Variants in DOCK3 observed in about 807,000 individuals in gnomAD.
DOCK3 encodes dedicator of cytokinesis protein 3.
Under a neutral mutation model 265.6 loss-of-function variants are expected in DOCK3, and 60 were observed. The ratio of observed to expected loss-of-function variants is 0.23; its 90% CI spans 0.18 to 0.28. The LOEUF (loss-of-function observed/expected upper bound fraction) is 0.28, where lower values mean the gene tolerates loss of function less well. DOCK3 is among the 10% of genes least tolerant of loss of function. The pLI is 1.00. For synonymous variants in DOCK3, 881 were observed against 938.0 expected (o/e 0.94, Z 1.11); for missense variants, 1,981 against 2,594.3 (o/e 0.76, Z 5.14).
intron 4 of DOCK3, among the ~76,000 whole-genome samples, chr3:50,925,202 A>G (rs1410927239): frequency 6.6e-6 from 1 of 152,210 alleles, no homozygotes; most frequent in African/African-American, 2.4e-5. Flanking sequence ...TTTTGGCTAT[A>G]TGAGTGATGA....
chr3:50,874,529 A>AC (rs2047605999), intron 3 of DOCK3, among the ~76,000 whole-genome samples: 1 of 123,632 alleles, frequency 8.1e-6, no homozygotes, highest in Non-Finnish European at 1.9e-5. Context: ...AAAAAAAAAA[A>AC]CAAAAAAAGT....
At position 51,120,538 on chromosome 3, in the gene DOCK3, G is replaced by T. The variant is rs138469567; in HGVS notation, c.747-26011G>T. Reference sequence around the variant, plus strand: ...CTCTGCAGAGCTGGCAGGCAGAAACGTTTATGTCTGCTGAAGCTGCGCCCA... The same window carrying T: ...CTCTGCAGAGCTGGCAGGCAGAAACTTTTATGTCTGCTGAAGCTGCGCCCA... On this transcript the variant is annotated intron_variant, in intron 9 of 52. Coordinates refer to ENST00000266037, the MANE Select transcript of DOCK3 (RefSeq NM_004947.5). Among the ~76,000 whole-genome samples the T allele has an allele frequency of 8.1e-3, 1,232 of 152,294 alleles. 9 individuals carry two copies. Among genetic ancestry groups the T allele is most frequent in the African/African-American group, 0.013 (543 of 41,568 alleles).
At chr3:51,198,749 G>T (rs1281778978) in intron 12 of DOCK3, among the ~76,000 whole-genome samples, 1 of 152,228 alleles carries the variant, frequency 6.6e-6, no homozygotes, top group Non-Finnish European at 1.5e-5. Flanking sequence ...TAGGCTGTGT[G>T]TAGTGAGCCA....
At chr3:50,822,179 TC>T (rs2106935571) in intron 2 of DOCK3, among the ~76,000 whole-genome samples, 1 of 152,310 alleles carries the variant, frequency 6.6e-6, no homozygotes, top group Non-Finnish European at 1.5e-5. Flanking sequence ...CTGATTTCTT[TC>T]AGCCGTATTT....
rs1446737320 is a variant in DOCK3 at position 50,778,732 on chromosome 3, C to T, written c.95C>T (p.Thr32Ile). 2 of 1,585,580 alleles carry T rather than the reference C, an allele frequency of 1.3e-6. No individual in the cohort carries two copies. Among genetic ancestry groups the T allele is most frequent in the Non-Finnish European group, 1.7e-6 (2 of 1,164,694 alleles). ...GGGTTGGTCTTAGAAATAGGAGAAA[C>T]AGTCCAGATTCTTGAAAAATGTGAA... ...PQGLVLEIGE[T>I]VQILEKCEGW... The change falls in exon 2 of 53, where the codon ACA becomes ATA. Residue 32 changes from threonine (T) to isoleucine (I), a missense_variant. Coordinates refer to ENST00000266037, the MANE Select transcript of DOCK3 (RefSeq NM_004947.5).
intron 5 of DOCK3, among the ~76,000 whole-genome samples, chr3:50,977,176 T>G (rs182743943): frequency 0.091 from 13,532 of 149,034 alleles, 757 homozygotes; most frequent in Non-Finnish European, 0.12. Context: ...GTGAATTTGA[T>G]CCTGTAATGA....
At chr3:51,075,950 T>A (rs2082042059) in intron 7 of DOCK3, among the ~76,000 whole-genome samples, 1 of 152,234 alleles carries the variant, frequency 6.6e-6, no homozygotes, top group Non-Finnish European at 1.5e-5. Context: ...AAGGGTACAA[T>A]ATTTTAAAGT....
intron 4 of DOCK3, among the ~76,000 whole-genome samples, chr3:50,908,362 A>ATGT (rs905931683): frequency 1.3e-5 from 2 of 151,988 alleles, no homozygotes; most frequent in Admixed American, 1.3e-4. Flanking sequence ...GTGGACATTT[A>ATGT]GTGTTATAAA....
intron 25 of DOCK3, among the ~76,000 whole-genome samples, chr3:51,276,031 T>C (rs1365895279): frequency 6.6e-6 from 1 of 152,164 alleles, no homozygotes; most frequent in African/African-American, 2.4e-5. Context: ...TGCTAGAGAA[T>C]AGAATTTCAC....
chr3:51,339,634 A>C (rs2085102555), intron 37 of DOCK3, among the ~76,000 whole-genome samples: 1 of 152,174 alleles, frequency 6.6e-6, no homozygotes, highest in South Asian at 2.1e-4. Context: ...TTCTAACTAG[A>C]ACAAATTTTA....
At chr3:50,856,327 C>T (rs916239275) in intron 3 of DOCK3, among the ~76,000 whole-genome samples, 3 of 152,156 alleles carry the variant, frequency 2.0e-5, no homozygotes, top group African/African-American at 7.2e-5. Context: ...TCCTTTTCTC[C>T]TCAACCTTGC....
At chr3:51,249,648 T>G (rs1394402344) in intron 22 of DOCK3, among the ~76,000 whole-genome samples, 4 of 47,160 alleles carry the variant, frequency 8.5e-5, no homozygotes, top group Non-Finnish European at 1.6e-4. Flanking sequence ...GGGAGGGAGG[T>G]GGGGGGGGGT....
chr3:51,150,253 G>C (rs565309813), intron 10 of DOCK3, among the ~76,000 whole-genome samples: 28 of 152,132 alleles, frequency 1.8e-4, no homozygotes, highest in African/African-American at 6.5e-4. Flanking sequence ...CTTGCTAGCG[G>C]TTTATCAATT....
intron 32 of DOCK3, among the ~76,000 whole-genome samples, chr3:51,325,216 A>G (rs935291683): frequency 6.6e-6 from 1 of 152,030 alleles, no homozygotes; most frequent in African/African-American, 2.4e-5. Context: ...TTAAATTTAC[A>G]AGAAAAAAAA....
chr3:51,124,042 A>G (rs1040622930), intron 9 of DOCK3, among the ~76,000 whole-genome samples: 8 of 152,140 alleles, frequency 5.3e-5, no homozygotes, highest in Non-Finnish European at 1.2e-4. Context: ...TTAGATGTCA[A>G]GTTTCCTCTT....
chr3:51,099,634 A>G (rs994446324), intron 9 of DOCK3, among the ~76,000 whole-genome samples: 4 of 152,232 alleles, frequency 2.6e-5, no homozygotes, highest in Admixed American at 2.6e-4. Context: ...TCATTTATTT[A>G]TGCACCAAAT....
chr3:51,049,525 CTG>C, intron 5 of DOCK3, among the ~76,000 whole-genome samples: 2 of 152,118 alleles, frequency 1.3e-5, no homozygotes, highest in South Asian at 4.2e-4. Flanking sequence ...ACTAAATAAA[CTG>C]TTCTGTACCA....
At chr3:50,974,221 A>G (rs2077354946) in intron 5 of DOCK3, among the ~76,000 whole-genome samples, 2 of 151,964 alleles carry the variant, frequency 1.3e-5, no homozygotes, top group African/African-American at 2.4e-5. Context: ...GCCCATGCCT[A>G]TGTCCTGAAT....
chr3:50,818,955 A>G (rs1039865676), intron 2 of DOCK3, among the ~76,000 whole-genome samples: 11 of 152,248 alleles, frequency 7.2e-5, no homozygotes, highest in African/African-American at 2.6e-4. Context: ...CTTAATATGC[A>G]CTTCCTGGGC....
Sources: allele counts gnomAD v4.1 joint callset (sites outside exome capture counted in the v4.1 genomes callset), GRCh38; gene constraint gnomAD v4.1.1; transcripts MANE v1.5; gene names NCBI Gene and HGNC (gene_info 2026-07-23, HGNC 2026-07-21).